The following SLC8A3 variants were observed in gnomAD, a reference collection of about 807,000 sequenced individuals.
SLC8A3 encodes sodium/calcium exchanger 3.
A neutral mutation model predicts 65.4 loss-of-function variants in SLC8A3; 37 were observed. The observed-to-expected ratio is 0.57, with a 90% CI of 0.44 to 0.74. The LOEUF is 0.74. Ranked by LOEUF, SLC8A3 falls within the 30% of genes least tolerant of loss-of-function variation. SLC8A3 has a pLI of 0.00. For missense variants in SLC8A3, 1,112 were observed against 1,172.1 expected (o/e 0.95, Z 0.75); for synonymous variants, 461 against 444.5 (o/e 1.04, Z -0.47).
chr14:70,138,094 T>A (rs112934687), intron 2 of SLC8A3, among the ~76,000 whole-genome samples: 5,806 of 152,156 alleles, frequency 0.038, 363 homozygotes, highest in African/African-American at 0.13. Flanking sequence ...GACGGGAGTG[T>A]CCCTGCTCAC....
At chr14:70,058,081 C>T (rs1888366922) in intron 3 of SLC8A3, among the ~76,000 whole-genome samples, 1 of 152,172 alleles carries the variant, frequency 6.6e-6, no homozygotes. Context: ...TCATCCAGAG[C>T]TTTTAATCTC....
At position 70,122,635 on chromosome 14, in the gene SLC8A3, C is replaced by T. The variant is rs117778912; in HGVS notation, c.1784+44004G>A. 3.9e-4 allele frequency among the ~76,000 whole-genome samples: 59 copies of T among 152,194 alleles called. No individual in the cohort carries two copies. The East Asian group carries it at 8.7e-3, about 22-fold the overall frequency. On this transcript the variant is annotated intron_variant, in intron 2 of 6. Transcript: ENST00000356921. Reference sequence around the variant, plus strand: ...GCTTAGCCAAGGGCCTGGACCATAACGGGTATTTAATAAATGTAAACTAAG... The same window carrying T: ...GCTTAGCCAAGGGCCTGGACCATAATGGGTATTTAATAAATGTAAACTAAG...
chr14:70,169,447 T>TA (rs1181943933), intron 1 of SLC8A3, among the ~76,000 whole-genome samples: 2 of 152,178 alleles, frequency 1.3e-5, no homozygotes, highest in Non-Finnish European at 2.9e-5. Context: ...GAACAAGTGG[T>TA]AAAAATCATT....
At chr14:70,159,373 A>T (rs969032048) in intron 2 of SLC8A3, among the ~76,000 whole-genome samples, 1 of 149,142 alleles carries the variant, frequency 6.7e-6, no homozygotes, top group Non-Finnish European at 1.5e-5. Context: ...ATGCCACTTC[A>T]CTTCACTCCA....
intron 2 of SLC8A3, among the ~76,000 whole-genome samples, chr14:70,101,734 G>C (rs1454626970): frequency 6.6e-6 from 1 of 152,170 alleles, no homozygotes. Flanking sequence ...ATCATTTTCA[G>C]GTATTGAACA....
chr14:70,067,048 C>T (rs1038908155), intron 2 of SLC8A3, among the ~76,000 whole-genome samples: 22 of 152,256 alleles, frequency 1.4e-4, no homozygotes, highest in African/African-American at 4.1e-4. Flanking sequence ...ATGATCCAGT[C>T]GCTGCTGACC....
chr14:70,179,069 T>C (rs773306056), intron 1 of SLC8A3, among the ~76,000 whole-genome samples: 2 of 152,222 alleles, frequency 1.3e-5, no homozygotes, highest in Non-Finnish European at 1.5e-5. Flanking sequence ...TTGAAGTTTC[T>C]AGAACAGGCA....
intron 2 of SLC8A3, among the ~76,000 whole-genome samples, chr14:70,098,307 TA>T (rs5809460): frequency 0.92 from 139,058 of 151,764 alleles, 63,776 homozygotes; most frequent in East Asian, 1. Flanking sequence ...CACTTTTTTT[TA>T]AAAAAAACCC....
chr14:70,067,170 C>T (rs1889518948), intron 2 of SLC8A3, among the ~76,000 whole-genome samples: 1 of 152,138 alleles, frequency 6.6e-6, no homozygotes, highest in Non-Finnish European at 1.5e-5. Context: ...CCTTGCTATC[C>T]CCTCTGCCTG....
chr14:70,149,043 G>C lies in SLC8A3; in HGVS notation c.1784+17596C>G, dbSNP rs534668757. ...TGTGTTGTGAAAAGGGAAGCACAGAGTGGTCAGGGCTGGGGTTGCACCATT... is the reference window on the plus strand; with the variant it reads ...TGTGTTGTGAAAAGGGAAGCACAGACTGGTCAGGGCTGGGGTTGCACCATT... On this transcript the variant is annotated intron_variant, in intron 2 of 6. Transcript: ENST00000356921. Among the ~76,000 whole-genome samples the C allele has an allele frequency of 2.9e-3, 446 of 152,328 alleles. 2 individuals are homozygous for C. Among genetic ancestry groups the C allele is most frequent in the South Asian group, 0.02 (95 of 4,824 alleles).
intron 1 of SLC8A3, among the ~76,000 whole-genome samples, chr14:70,173,261 C>G (rs917437929): frequency 5.3e-5 from 8 of 152,128 alleles, no homozygotes; most frequent in African/African-American, 1.9e-4. Context: ...AACTCTACTG[C>G]AAACTGAACA....
intron 2 of SLC8A3, among the ~76,000 whole-genome samples, chr14:70,117,235 G>T (rs1329624839): frequency 6.6e-6 from 1 of 152,178 alleles, no homozygotes; most frequent in Non-Finnish European, 1.5e-5. Flanking sequence ...CTCACTTAAG[G>T]TCATGCCCTC....
chr14:70,189,340 G>C (rs1412631654), upstream of SLC8A3, among the ~76,000 whole-genome samples: 1 of 152,182 alleles, frequency 6.6e-6, no homozygotes, highest in Non-Finnish European at 1.5e-5. Context: ...GCTCCAGGCA[G>C]CAGGCGGGCG....
At chr14:70,069,169 A>G (rs1889763549) in intron 2 of SLC8A3, among the ~76,000 whole-genome samples, 1 of 152,194 alleles carries the variant, frequency 6.6e-6, no homozygotes, top group Non-Finnish European at 1.5e-5. Flanking sequence ...GCAGGTGGGT[A>G]AGCTCTGGAT....
chr14:70,080,103 C>G, intron 2 of SLC8A3: 1 of 985,558 alleles, frequency 1.0e-6, no homozygotes, highest in Non-Finnish European at 1.2e-6. Context: ...TTTCCTTGAC[C>G]CCTTCCTTTG....
intron 2 of SLC8A3, among the ~76,000 whole-genome samples, chr14:70,067,592 C>T (rs1284122898): frequency 1.3e-5 from 2 of 152,076 alleles, no homozygotes; most frequent in East Asian, 1.9e-4. Context: ...CTTGAGACTT[C>T]GTAAAATGAA....
At chr14:70,081,339 G>A (rs1408952157) in intron 2 of SLC8A3, among the ~76,000 whole-genome samples, 1 of 152,178 alleles carries the variant, frequency 6.6e-6, no homozygotes, top group Non-Finnish European at 1.5e-5. Context: ...AAGCACCCAG[G>A]AAATTTGGAT....
rs1013327658 is a variant in SLC8A3 at position 70,045,732 on chromosome 14, T to G, written c.*215A>C. ...TGTTGCTTGTTTGTATTCAATTAAA[T>G]ACTGTGTAAAGTCGGTGATTCCTCC... On this transcript the variant is annotated 3_prime_UTR_variant, in exon 7 of 7. Transcript: ENST00000356921. The G allele has an allele frequency of 1.1e-5, 5 of 475,440 alleles. No homozygotes were observed. Among genetic ancestry groups the G allele is most frequent in the Non-Finnish European group, 1.5e-5 (4 of 266,412 alleles). 29.5% of individuals were successfully genotyped at this position (475,440 alleles called of 1,614,324 possible). A position where few individuals can be genotyped will look rare whatever the true frequency, so the allele number is the denominator to read the frequency against.
At chr14:70,058,821 A>G (rs1304951053) in intron 3 of SLC8A3, among the ~76,000 whole-genome samples, 2 of 152,202 alleles carry the variant, frequency 1.3e-5, no homozygotes, top group African/African-American at 4.8e-5. Flanking sequence ...TACGCTGTAC[A>G]TGTGCTGCTT....
Sources: gnomAD v4.1 joint callset for allele counts (sites outside exome capture counted in the v4.1 genomes callset) on GRCh38, gnomAD v4.1.1 for gene constraint, MANE v1.5 for transcripts, NCBI Gene and HGNC (gene_info 2026-07-23, HGNC 2026-07-21) for gene names.